NSMCE2: variants seen among roughly 807,000 people sequenced by gnomAD.
NSMCE2 encodes NSE2 SUMO ligase component of SMC5/6 complex.
In NSMCE2, 24 loss-of-function variants were observed where a neutral mutation model predicts 23.8. That is an observed-to-expected ratio of 1.01 (90% CI 0.73 to 1.42). The LOEUF (loss-of-function observed/expected upper bound fraction) is 1.42, where lower values mean the gene tolerates loss of function less well. Ranked by LOEUF, NSMCE2 falls within the 40% of genes most tolerant of loss-of-function variation. The pLI is 0.00. For missense variants in NSMCE2, 284 were observed against 296.5 expected, an observed-to-expected ratio of 0.96 and a Z score of 0.31; for synonymous variants, 92 against 94.1, an observed-to-expected ratio of 0.98 and a Z score of 0.13.
At chr8:125,201,107 G>C (rs1266845363) in intron 5 of NSMCE2, among the ~76,000 whole-genome samples, 1 of 152,086 alleles carries the variant, frequency 6.6e-6, no homozygotes, top group Non-Finnish European at 1.5e-5. Flanking sequence ...CTTGTGATGG[G>C]TTAGAACATG....
chr8:125,095,405 A>T (rs886655965), intron 1 of NSMCE2, among the ~76,000 whole-genome samples: 8 of 151,948 alleles, frequency 5.3e-5, no homozygotes, highest in Admixed American at 5.2e-4. Context: ...CTTGGGCAAC[A>T]CAGGGAGATG....
chr8:125,101,022 A>G (rs1251951305), intron 1 of NSMCE2, among the ~76,000 whole-genome samples: 1 of 152,252 alleles, frequency 6.6e-6, no homozygotes, highest in Non-Finnish European at 1.5e-5. Context: ...GCACTTAAAG[A>G]GATACTAAAT....
chr8:125,194,290 G>C (rs1823500760), intron 5 of NSMCE2, among the ~76,000 whole-genome samples: 1 of 152,030 alleles, frequency 6.6e-6, no homozygotes, highest in Admixed American at 6.5e-5. Context: ...CCACTGTTTT[G>C]TTTTTTCTAT....
chr8:125,277,955 A>G (rs563504722), intron 5 of NSMCE2, among the ~76,000 whole-genome samples: 62 of 152,368 alleles, frequency 4.1e-4, no homozygotes, highest in Middle Eastern at 3.4e-3. Context: ...GCAGAAAGTT[A>G]TTTTTAATTG....
intron 5 of NSMCE2, among the ~76,000 whole-genome samples, chr8:125,250,555 T>C (rs545948963): frequency 2.0e-5 from 3 of 152,378 alleles, no homozygotes; most frequent in Admixed American, 2.0e-4. Context: ...TTCTCATGAA[T>C]TCAGATTTGT....
At chr8:125,194,299 A>G (rs1461759459) in intron 5 of NSMCE2, among the ~76,000 whole-genome samples, 4 of 151,938 alleles carry the variant, frequency 2.6e-5, no homozygotes, top group East Asian at 1.9e-4. Flanking sequence ...TGTTTTTTCT[A>G]TATATAATTT....
chr8:125,121,778 T>C (rs1281941217), intron 3 of NSMCE2, among the ~76,000 whole-genome samples: 6 of 152,174 alleles, frequency 3.9e-5, no homozygotes, highest in African/African-American at 1.4e-4. Flanking sequence ...CTTACAGAAA[T>C]ACTGTCAGGT....
chr8:125,097,648 G>C (rs866902409), intron 1 of NSMCE2, among the ~76,000 whole-genome samples: 10 of 152,038 alleles, frequency 6.6e-5, no homozygotes, highest in Admixed American at 1.3e-4. Flanking sequence ...TAGCATAGTG[G>C]GTTTGTGTAA....
chr8:125,338,156 T>G (rs2131317211), intron 5 of NSMCE2, among the ~76,000 whole-genome samples: 1 of 152,240 alleles, frequency 6.6e-6, no homozygotes, highest in Admixed American at 6.5e-5. Flanking sequence ...CCAGGTCACA[T>G]AGCTGACTAG....
At chr8:125,355,385 CCAT>C (rs1173980467) in intron 5 of NSMCE2, among the ~76,000 whole-genome samples, 1 of 152,156 alleles carries the variant, frequency 6.6e-6, no homozygotes, top group Non-Finnish European at 1.5e-5. Flanking sequence ...AAGGACTACA[CCAT>C]CAACATGTTT....
chr8:125,150,189 G>GGCA (rs1820918680), intron 3 of NSMCE2, among the ~76,000 whole-genome samples: 1 of 152,114 alleles, frequency 6.6e-6, no homozygotes, highest in Non-Finnish European at 1.5e-5. Context: ...TTCGGTCCCA[G>GGCA]GCAGCAGGGA....
intron 5 of NSMCE2, among the ~76,000 whole-genome samples, chr8:125,223,991 C>T (rs1018068694): frequency 3.9e-5 from 6 of 151,976 alleles, no homozygotes; most frequent in Non-Finnish European, 8.8e-5. Flanking sequence ...CACACAAAAC[C>T]ATGCCTGGCT....
At chr8:125,159,297 AC>A (rs1821479874) in intron 4 of NSMCE2, among the ~76,000 whole-genome samples, 1 of 152,238 alleles carries the variant, frequency 6.6e-6, no homozygotes, top group African/African-American at 2.4e-5. Context: ...ACAGTCATGA[AC>A]CACATAACAA....
intron 5 of NSMCE2, among the ~76,000 whole-genome samples, chr8:125,184,650 A>G (rs970480521): frequency 2.6e-5 from 4 of 152,160 alleles, no homozygotes; most frequent in African/African-American, 9.7e-5. Flanking sequence ...CTTACTTGCA[A>G]AATGTAATTT....
intron 5 of NSMCE2, among the ~76,000 whole-genome samples, chr8:125,355,527 C>G (rs899293870): frequency 1.3e-5 from 2 of 151,982 alleles, no homozygotes; most frequent in Non-Finnish European, 2.9e-5. Flanking sequence ...TGGTGAAACC[C>G]CATCTCTACT....
chr8:125,252,529 A>C (rs1426569279), intron 5 of NSMCE2, among the ~76,000 whole-genome samples: 1 of 152,238 alleles, frequency 6.6e-6, no homozygotes, highest in Non-Finnish European at 1.5e-5. Context: ...CTGTCTCAAA[A>C]AAAAGAGAAA....
intron 5 of NSMCE2, among the ~76,000 whole-genome samples, chr8:125,260,354 G>T (rs551689082): frequency 3.3e-5 from 5 of 152,204 alleles, no homozygotes; most frequent in Admixed American, 1.3e-4. Context: ...CTGAATAGCA[G>T]TTCTCTACCA....
chr8:125,123,931 G>T (rs939401392), intron 3 of NSMCE2, among the ~76,000 whole-genome samples: 2 of 152,058 alleles, frequency 1.3e-5, no homozygotes, highest in African/African-American at 4.8e-5. Flanking sequence ...CATTTAAAAT[G>T]TACAATTTTG....
At chr8:125,137,742 G>A (rs1563673075) in intron 3 of NSMCE2, among the ~76,000 whole-genome samples, 1 of 152,122 alleles carries the variant, frequency 6.6e-6, no homozygotes, top group Non-Finnish European at 1.5e-5. Flanking sequence ...TATTTAATAG[G>A]TCCTGATTTA....
Sources: allele counts gnomAD v4.1 joint callset (sites outside exome capture counted in the v4.1 genomes callset), GRCh38; gene constraint gnomAD v4.1.1; transcripts MANE v1.5; gene names NCBI Gene and HGNC (gene_info 2026-07-23, HGNC 2026-07-21).